The following ICA1 variants were observed in gnomAD, a reference collection of about 807,000 sequenced individuals.
The protein encoded by ICA1 is islet cell autoantigen 1, also known as 69 kDa islet cell autoantigen.
Under a neutral mutation model 71.0 loss-of-function variants are expected in ICA1, and 40 were observed. The ratio of observed to expected loss-of-function variants is 0.56; its 90% CI spans 0.44 to 0.73. ICA1 has a LOEUF of 0.73. ICA1 is among the 30% of genes least tolerant of loss of function. The pLI is 0.00. For synonymous variants in ICA1, 207 were observed against 209.5 expected (o/e 0.99, Z 0.10); for missense variants, 578 against 576.5 (o/e 1.00, Z -0.03).
In ICA1 at chr7:8,218,326, C is replaced by T. The variant is rs757039269; in HGVS notation, c.558G>A (p.Lys186=). The T allele has an allele frequency of 1.9e-6, 3 of 1,614,098 alleles. No individual in the cohort carries two copies. The highest frequency in any genetic ancestry group is 1.7e-5 in the Admixed American group (1 of 60,020). ...CTACCTTCCTGAACTTCTCCATTTGCTTGTAGAGGTCTGGATCAAGCTCCT... is the reference window on the plus strand; with the variant it reads ...CTACCTTCCTGAACTTCTCCATTTGTTTGTAGAGGTCTGGATCAAGCTCCT... ...VSQELDPDLY[K]QMEKFRKVQT... is the part of the protein sequence containing the mutation. Residue 186 remains lysine, a synonymous_variant, in exon 6 of 14, where the codon AAG becomes AAA. Coordinates refer to ENST00000402384, the MANE Select transcript of ICA1 (RefSeq NM_001136020.3).
intron 1 of ICA1, among the ~76,000 whole-genome samples, chr7:8,256,091 A>G (rs185900003): frequency 6.6e-6 from 1 of 152,254 alleles, no homozygotes; most frequent in East Asian, 1.9e-4. Context: ...ATCTTTTGCA[A>G]CCAGTCTCCA....
At chr7:8,164,090 A>G (rs1336211039) in intron 6 of ICA1, among the ~76,000 whole-genome samples, 1 of 152,012 alleles carries the variant, frequency 6.6e-6, no homozygotes, top group Non-Finnish European at 1.5e-5. Flanking sequence ...GGATCACCCG[A>G]GGTCAGGAGT....
intron 9 of ICA1, among the ~76,000 whole-genome samples, chr7:8,142,399 G>A (rs2128127722): frequency 6.6e-6 from 1 of 152,338 alleles, no homozygotes; most frequent in East Asian, 1.9e-4. Flanking sequence ...CACGTTCAGT[G>A]TTCACTGTCA....
At chr7:8,114,182 T>C (rs1412605756) in intron 13 of ICA1, 138 bp from the exon 14 acceptor site, 9 of 932,566 alleles carry the variant, frequency 9.7e-6, no homozygotes, top group Admixed American at 2.4e-5. Context: ...TCTCTGACAA[T>C]AGTTAGGGAA....
intron 6 of ICA1, among the ~76,000 whole-genome samples, chr7:8,181,894 T>C (rs1366839990): frequency 3.9e-5 from 6 of 152,186 alleles, no homozygotes; most frequent in African/African-American, 9.6e-5. Context: ...CCAGTCTTCT[T>C]ACTTCCTATG....
chr7:8,244,924 G>T (rs1474463248), intron 1 of ICA1, among the ~76,000 whole-genome samples: 1 of 152,180 alleles, frequency 6.6e-6, no homozygotes, highest in Non-Finnish European at 1.5e-5. Flanking sequence ...TGCTGGAGAG[G>T]ATGTGGAGAA....
intron 1 of ICA1, among the ~76,000 whole-genome samples, chr7:8,245,610 T>G (rs1419066993): frequency 6.6e-6 from 1 of 152,180 alleles, no homozygotes; most frequent in Non-Finnish European, 1.5e-5. Context: ...CTAATAGCCA[T>G]GTTAAAAAAA....
At chr7:8,218,858 A>C in intron 5 of ICA1, 1 of 356,798 alleles carries the variant, frequency 2.8e-6, no homozygotes, top group Non-Finnish European at 5.4e-6. Context: ...GCCCATTTCT[A>C]CATTTGGCCC....
chr7:8,205,611 A>T (rs189863524), intron 6 of ICA1, among the ~76,000 whole-genome samples: 1 of 152,228 alleles, frequency 6.6e-6, no homozygotes, highest in South Asian at 2.1e-4. Context: ...ATGAAGCCAG[A>T]GGGATATTAG....
chr7:8,148,123 C>A (rs1338876770), intron 8 of ICA1, among the ~76,000 whole-genome samples: 1 of 152,124 alleles, frequency 6.6e-6, no homozygotes, highest in East Asian at 1.9e-4. Context: ...CCACCCTGAA[C>A]TGGAATAAGC....
At chr7:8,146,857 TACACACACACACACACACACACACGC>T (rs1223308251) in intron 8 of ICA1, among the ~76,000 whole-genome samples, 2 of 125,354 alleles carry the variant, frequency 1.6e-5, no homozygotes, top group African/African-American at 5.7e-5. Context: ...TTTATTCATG[TACACACACACACACACACACACACGC>T]ACACACACAC....
chr7:8,119,178 TTCGA>T (rs1189370559), intron 13 of ICA1, among the ~76,000 whole-genome samples: 1 of 152,194 alleles, frequency 6.6e-6, no homozygotes, highest in Non-Finnish European at 1.5e-5. Flanking sequence ...CTTTATGCTC[TTCGA>T]TCCTATGGTC....
At chr7:8,221,217 G>C (rs1024688282) in intron 5 of ICA1, 58 bp downstream of exon 5, 2 of 1,604,172 alleles carry the variant, frequency 1.2e-6, no homozygotes, top group Non-Finnish European at 1.7e-6. Context: ...TCGTGAGTAG[G>C]TGGGTCCCGG....
chr7:8,196,807 G>C lies in ICA1; in HGVS notation c.579+21498C>G, dbSNP rs558057344. 2.6e-3 allele frequency among the ~76,000 whole-genome samples: 393 copies of C among 152,272 alleles called. 1 individual carries two copies. Among genetic ancestry groups the C allele is most frequent in the African/African-American group, 9.0e-3 (373 of 41,544 alleles). On this transcript the variant is annotated intron_variant, in intron 6 of 13. Coordinates refer to ENST00000402384, the MANE Select transcript of ICA1 (RefSeq NM_001136020.3). The stretch of plus-strand genomic sequence containing the variant: ...AGTAATTCAATTATCACAGGGGCCA[G>C]GTGGAGATAAATGAATCACGGCAGT...
intron 12 of ICA1, among the ~76,000 whole-genome samples, chr7:8,137,195 T>C (rs1384994517): frequency 3.3e-5 from 5 of 152,184 alleles, no homozygotes. Flanking sequence ...GAGGATTCTT[T>C]TACTGTGTAT....
chr7:8,177,787 G>C (rs541627346), intron 6 of ICA1, among the ~76,000 whole-genome samples: 171 of 152,324 alleles, frequency 1.1e-3, no homozygotes, highest in African/African-American at 4.0e-3. Context: ...AATTCTGTTA[G>C]GGAGATAGTA....
chr7:8,167,890 C>T (rs1265379008), intron 6 of ICA1, among the ~76,000 whole-genome samples: 1 of 152,138 alleles, frequency 6.6e-6, no homozygotes, highest in African/African-American at 2.4e-5. Flanking sequence ...AAAAAGTCTC[C>T]TTCCTTCTCT....
intron 9 of ICA1, 101 bp downstream of exon 9, chr7:8,143,774 G>C: frequency 1.4e-6 from 1 of 727,916 alleles, no homozygotes. Flanking sequence ...GAGGAAGTAA[G>C]ACAAGTCTGC....
At position 8,178,943 on chromosome 7, in the gene ICA1, T is replaced by C. The variant is rs575736739; in HGVS notation, c.580-20291A>G. ...ACCCAAATCCATCTGCCCTTCTATA[T>C]TTTTCAGACTCCTCTGAAAATGGTT... is the stretch of plus-strand genomic sequence containing the variant. On this transcript the variant is annotated intron_variant, in intron 6 of 13. Transcript: ENST00000402384. Among the ~76,000 whole-genome samples, 7 of 152,288 alleles carry C rather than the reference T, an allele frequency of 4.6e-5. 1 individual carries two copies. The highest frequency in any genetic ancestry group is 1.7e-4 in the African/African-American group (7 of 41,558).
Sources: gnomAD v4.1 joint callset for allele counts (sites outside exome capture counted in the v4.1 genomes callset) on GRCh38, gnomAD v4.1.1 for gene constraint, MANE v1.5 for transcripts, NCBI Gene and HGNC (gene_info 2026-07-23, HGNC 2026-07-21) for gene names.